FCHO1: variants seen among roughly 807,000 people sequenced by gnomAD.
FCHO1 encodes FCH and mu domain containing endocytic adaptor 1, also known as F-BAR domain only protein 1.
FCHO1 carries 45 observed loss-of-function variants against 114.4 expected under a neutral mutation model. The observed-to-expected ratio is 0.39, with a 90% CI of 0.31 to 0.50. FCHO1 has a LOEUF of 0.50. FCHO1 is among the 20% of genes least tolerant of loss of function. FCHO1 has a pLI of 0.77. For synonymous variants in FCHO1, 480 were observed against 488.9 expected (o/e 0.98, Z 0.24); for missense variants, 1,042 against 1,209.6 (o/e 0.86, Z 2.06).
intron 20 of FCHO1, among the ~76,000 whole-genome samples, chr19:17,779,485 G>A (rs900005018): frequency 2.6e-5 from 4 of 151,766 alleles, no homozygotes; most frequent in African/African-American, 9.7e-5. Context: ...GGTGGCAGTG[G>A]GAGAAGCAGG....
chr19:17,767,718 T>C (rs1453330701), intron 7 of FCHO1, among the ~76,000 whole-genome samples: 3 of 152,106 alleles, frequency 2.0e-5, no homozygotes, highest in East Asian at 3.8e-4. Flanking sequence ...TAAAGTTTTA[T>C]TGGCACAGAG....
intron 13 of FCHO1, 101 bp from the exon 14 acceptor site, chr19:17,774,955 T>C (rs2044483955): frequency 7.5e-7 from 1 of 1,340,764 alleles, no homozygotes; most frequent in Non-Finnish European, 1.1e-6. Context: ...AGTATCACAG[T>C]CTGGGAGCTG....
At chr19:17,748,670 C>T (rs762703208), upstream of FCHO1, among the ~76,000 whole-genome samples, 66 of 152,152 alleles carry the variant, frequency 4.3e-4, no homozygotes, top group Non-Finnish European at 7.8e-4. Flanking sequence ...TGCCTTGGAT[C>T]CCCCGAGTCA....
At chr19:17,785,968 A>G (rs2093847517) in intron 26 of FCHO1, among the ~76,000 whole-genome samples, 1 of 151,746 alleles carries the variant, frequency 6.6e-6, no homozygotes, top group African/African-American at 2.4e-5. Context: ...TCTCTTAAAA[A>G]ACAAAAATTT....
At chr19:17,768,268 C>T (rs553222438) in intron 7 of FCHO1, among the ~76,000 whole-genome samples, 9 of 152,226 alleles carry the variant, frequency 5.9e-5, no homozygotes, top group Admixed American at 5.9e-4. Flanking sequence ...CAGTGTTTCA[C>T]CATGTTGGCC....
chr19:17,784,793 C>T lies in FCHO1; in HGVS notation c.2295C>T (p.Leu765=), dbSNP rs755704106. 6.2e-6 allele frequency: 10 copies of T among 1,614,016 alleles called. No individual in the cohort carries two copies. Among genetic ancestry groups the T allele is most frequent in the African/African-American group, 4.0e-5 (3 of 74,940 alleles). ...CCCACTGGCAGTGTGGAGCCACCCT[C>T]ACCCAGGTCTCAGTGGAGTACGGCT... is the stretch of plus-strand genomic sequence containing the variant. ...LSAHWQCGAT[L]TQVSVEYGYR... Residue 765 remains leucine, a synonymous_variant, in exon 26 of 29, where the codon CTC becomes CTT. Transcript: ENST00000596536. This position sits in a 1 kb window ranked among gnomAD's most constrained non-coding sequence, Gnocchi z 5.3.
chr19:17,786,528 A>G (rs780248303), intron 26 of FCHO1, 46 bp from the exon 27 acceptor site: 1 of 1,604,624 alleles, frequency 6.2e-7, no homozygotes, highest in Non-Finnish European at 8.5e-7. Flanking sequence ...CTGGGCTCTC[A>G]GCATCCTCTC....
intron 6 of FCHO1, among the ~76,000 whole-genome samples, chr19:17,765,787 A>G (rs1160349806): frequency 3.3e-5 from 5 of 151,692 alleles, no homozygotes. Flanking sequence ...AAGTGGAGGC[A>G]GCAGGAGGAG....
Position 17,781,795 on chromosome 19 carries a change from G to GGAAGTAGGCGTGGA in FCHO1, c.1912_1913insGAAGTAGGCGTGGA (p.Ala638GlyfsTer19). ...CACAGCCTTCACAGAGTATGTCCAC[G>GGAAGTAGGCGTGGA]CCTACTTCCGTGGCCACAGCCCCAG... On this transcript the variant is annotated frameshift_variant, in exon 23 of 29. Transcript: ENST00000596536. LOFTEE classifies it high-confidence loss of function. 6.2e-7 allele frequency: 1 copy of GGAAGTAGGCGTGGA among 1,606,688 alleles called. No homozygotes were observed. Among genetic ancestry groups the GGAAGTAGGCGTGGA allele is most frequent in the Non-Finnish European group, 8.5e-7 (1 of 1,176,624 alleles).
chr19:17,761,633 C>CATATATATATAT (rs55848959), intron 4 of FCHO1, among the ~76,000 whole-genome samples: 2,242 of 142,580 alleles, frequency 0.016, 37 homozygotes, highest in Middle Eastern at 0.026. Context: ...CATGTATATA[C>CATATATATATAT]ATATATATAT....
In FCHO1 at chr19:17,762,293, CT is replaced by C. The variant is rs10666882; in HGVS notation, c.28-455del. ...GAGCCACCGTGCCCAGCTCAACACA[CT>C]TTTTTTTTTTTTTAAATATAAAAGC... On this transcript the variant is annotated intron_variant, in intron 4 of 28. Coordinates refer to ENST00000596536, the MANE Select transcript of FCHO1 (RefSeq NM_015122.3). Among the ~76,000 whole-genome samples the C allele has an allele frequency of 2.4e-3, 352 of 146,710 alleles. 1 individual carries two copies. Among genetic ancestry groups the C allele is most frequent in the African/African-American group, 5.4e-3 (216 of 40,070 alleles).
upstream of FCHO1, among the ~76,000 whole-genome samples, chr19:17,748,862 G>A (rs1272901145): frequency 1.3e-5 from 2 of 152,188 alleles, no homozygotes; most frequent in Non-Finnish European, 2.9e-5. Flanking sequence ...TTGTCCAATG[G>A]TGATTCACTC....
chr19:17,781,103 C>G, intron 20 of FCHO1, 128 bp from the exon 21 acceptor site: 1 of 671,958 alleles, frequency 1.5e-6, no homozygotes. Context: ...AACACCAGGA[C>G]TTCAGACCCA....
intron 20 of FCHO1, among the ~76,000 whole-genome samples, chr19:17,780,417 G>T (rs1404268470): frequency 6.6e-6 from 1 of 152,118 alleles, no homozygotes; most frequent in Non-Finnish European, 1.5e-5. Context: ...GCCTGCCTCG[G>T]CCTCCCAAAG....
At chr19:17,785,064 TG>T in intron 26 of FCHO1, 140 bp downstream of exon 26, 1 of 803,108 alleles carries the variant, frequency 1.2e-6, no homozygotes, top group Non-Finnish European at 2.0e-6. Flanking sequence ...CTAAGGGTGA[TG>T]TTATGAGTGC....
chr19:17,779,523 G>T (rs771824446), intron 20 of FCHO1, among the ~76,000 whole-genome samples: 3 of 151,110 alleles, frequency 2.0e-5, no homozygotes, highest in Non-Finnish European at 4.4e-5. Flanking sequence ...GGGAGAGTTC[G>T]GAGGAGTAAG....
intron 7 of FCHO1, 141 bp from the exon 8 acceptor site, chr19:17,770,284 A>T: frequency 1.3e-6 from 1 of 764,880 alleles, no homozygotes; most frequent in South Asian, 2.3e-5. Context: ...CTGGACAACA[A>T]GAGCGAAACT....
Position 17,781,796 on chromosome 19 carries a change from C to T in FCHO1, c.1913C>T (p.Ala638Val), listed in dbSNP as rs1478355234. 6.2e-7 allele frequency: 1 copy of T among 1,606,604 alleles called. No individual in the cohort carries two copies. The highest frequency in any genetic ancestry group is 8.5e-7 in the Non-Finnish European group (1 of 1,176,478). ...ACAGCCTTCACAGAGTATGTCCACG[C>T]CTACTTCCGTGGCCACAGCCCCAGG... The part of the protein sequence containing the change: ...IATAFTEYVH[A>V]YFRGHSPSCL... The change falls in exon 23 of 29, where the codon GCC becomes GTC. Residue 638 changes from alanine (A) to valine (V), a missense_variant. Transcript: ENST00000596536.
intron 6 of FCHO1, among the ~76,000 whole-genome samples, chr19:17,766,369 C>T (rs1161076874): frequency 6.6e-6 from 1 of 151,492 alleles, no homozygotes; most frequent in African/African-American, 2.4e-5. Context: ...AACTCCTGAC[C>T]TCAAGTGACC....
Sources: allele counts gnomAD v4.1 joint callset (sites outside exome capture counted in the v4.1 genomes callset), GRCh38; gene constraint gnomAD v4.1.1; non-coding constraint Gnocchi (gnomAD v3.1); transcripts MANE v1.5; gene names NCBI Gene and HGNC (gene_info 2026-07-23, HGNC 2026-07-21).